CCDC51: variants seen among roughly 807,000 people sequenced by gnomAD.
CCDC51 encodes the protein coiled-coil domain containing 51.
In CCDC51, 25 loss-of-function variants were observed where a neutral mutation model predicts 24.8. That is an observed-to-expected ratio of 1.01 (90% CI 0.73 to 1.41). The LOEUF (loss-of-function observed/expected upper bound fraction) is 1.41. CCDC51 is among the 40% of genes most tolerant of loss of function. The pLI, the probability that CCDC51 is intolerant of heterozygous loss-of-function variation, is 0.00. For synonymous variants in CCDC51, 190 were observed against 204.3 expected (o/e 0.93, Z 0.60); for missense variants, 466 against 519.1 (o/e 0.90, Z 0.99).
chr3:48,441,638 A>G (rs2039571970), upstream of CCDC51, among the ~76,000 whole-genome samples: 1 of 151,996 alleles, frequency 6.6e-6, no homozygotes, highest in Admixed American at 6.6e-5. Flanking sequence ...TGAATCCTCC[A>G]CCTTTTTTAC....
At chr3:48,434,359 T>C (rs1280513005) in intron 2 of CCDC51, among the ~76,000 whole-genome samples, 1 of 152,180 alleles carries the variant, frequency 6.6e-6, no homozygotes, top group African/African-American at 2.4e-5. Context: ...CACTACTACA[T>C]GCCTAAGCAG....
At chr3:48,440,938 G>A (rs924645050), upstream of CCDC51, 8 of 463,956 alleles carry the variant, frequency 1.7e-5, no homozygotes, top group East Asian at 2.0e-4. Flanking sequence ...GTCTGACGTC[G>A]TCCGCAATCT....
upstream of CCDC51, chr3:48,443,734 T>TA (rs780541021): frequency 2.6e-5 from 19 of 726,802 alleles, no homozygotes; most frequent in Non-Finnish European, 4.0e-5. Context: ...ATGCTTGTGT[T>TA]AAAGTGAATG....
upstream of CCDC51, chr3:48,440,778 G>T (rs373854554): frequency 2.0e-5 from 14 of 714,992 alleles, no homozygotes; most frequent in African/African-American, 2.2e-4. Flanking sequence ...GCCAGTCTAG[G>T]ATTTGCAGCG....
intron 2 of CCDC51, among the ~76,000 whole-genome samples, chr3:48,434,573 T>C (rs562470106): frequency 6.6e-6 from 1 of 152,310 alleles, no homozygotes; most frequent in South Asian, 2.1e-4. Flanking sequence ...AAAGGAAGTA[T>C]TTGCTGGCCT....
In CCDC51 at chr3:48,439,631, T is replaced by A. The variant is rs541267603; in HGVS notation, c.-9+357A>T. ...TGAGAGACAAGAGCAAGACTCCATCTCGGGGGGAAAAGAAAAAAAAGCTTT... is the reference window on the plus strand; with the variant it reads ...TGAGAGACAAGAGCAAGACTCCATCACGGGGGGAAAAGAAAAAAAAGCTTT... On this transcript the variant is annotated intron_variant, in intron 1 of 3. Coordinates refer to ENST00000395694, the MANE Select transcript of CCDC51 (RefSeq NM_001256964.2). 3.3e-5 allele frequency among the ~76,000 whole-genome samples: 5 copies of A among 151,976 alleles called. No homozygotes were observed. The South Asian group carries it at 1.0e-3, about 32-fold the overall frequency.
upstream of CCDC51, among the ~76,000 whole-genome samples, chr3:48,443,241 C>CAAAAAAAA (rs3082576): frequency 2.8e-5 from 2 of 70,534 alleles, no homozygotes; most frequent in African/African-American, 1.3e-4. Flanking sequence ...ACTCCATCTC[C>CAAAAAAAA]AAAAAAAAAA....
upstream of CCDC51, among the ~76,000 whole-genome samples, chr3:48,442,376 T>G (rs189972528): frequency 3.9e-4 from 60 of 152,126 alleles, no homozygotes; most frequent in African/African-American, 1.4e-3. Flanking sequence ...GAGCATCATC[T>G]GATTTTTATT....
chr3:48,443,927 G>A (rs746756668), upstream of CCDC51: 48 of 1,422,214 alleles, frequency 3.4e-5, no homozygotes, highest in Non-Finnish European at 2.4e-5. Context: ...TATTTCATCT[G>A]TATTTAAACC....
chr3:48,440,560 A>G (rs2039534877), upstream of CCDC51: 4 of 1,611,942 alleles, frequency 2.5e-6, no homozygotes, highest in Non-Finnish European at 3.4e-6. Flanking sequence ...GCTTTCAAGC[A>G]GAAACAAAAA....
chr3:48,442,841 T>C (rs1443851381), upstream of CCDC51, among the ~76,000 whole-genome samples: 7 of 152,174 alleles, frequency 4.6e-5, no homozygotes, highest in South Asian at 2.1e-4. Context: ...AGGATCATAA[T>C]ATGGAAGGTA....
At position 48,437,837 on chromosome 3, in the gene CCDC51, G is replaced by A. The variant is rs537295522; in HGVS notation, c.-9+2151C>T. On this transcript the variant is annotated intron_variant, in intron 1 of 3. Coordinates refer to ENST00000395694, the MANE Select transcript of CCDC51 (RefSeq NM_001256964.2). The surrounding 1 kb of genome is among the most constrained non-coding windows in gnomAD (Gnocchi z 4.2). ...TTTCCACCTCCTCTCTTGATCCTCA[G>A]GATAAAAAACCCATGCTTCTAGGGA... is the stretch of plus-strand genomic sequence containing the variant. 2 of 151,978 alleles carry A rather than the reference G, an allele frequency of 1.3e-5. No homozygotes were observed. The highest frequency in any genetic ancestry group is 1.9e-4 in the East Asian group (1 of 5,164). 9.4% of individuals were successfully genotyped at this position (151,978 alleles called of 1,614,324 possible).
Position 48,432,964 on chromosome 3 carries a change from A to T in CCDC51, c.680T>A (p.Leu227Gln). The change falls in exon 4 of 4, where the codon CTA (leucine) becomes CAA (glutamine). Residue 227 changes from leucine to glutamine, a missense_variant. Leu to Gln is a moderately radical substitution (Grantham distance 113). Coordinates refer to ENST00000395694, the MANE Select transcript of CCDC51 (RefSeq NM_001256964.2). The stretch of plus-strand genomic sequence containing the variant: ...CAGGAGTAAAGCCTTCAGCTCCTGT[A>T]GTCGCACACGGTTCACATAGGTGGA... ...AGSTYVNRVR[L>Q]QELKALLLEA... The T allele has an allele frequency of 6.2e-7, 1 of 1,614,166 alleles. No homozygotes were observed. Among genetic ancestry groups the T allele is most frequent in the South Asian group, 1.1e-5 (1 of 91,082 alleles).
upstream of CCDC51, among the ~76,000 whole-genome samples, chr3:48,444,779 T>C (rs76494940): frequency 0.022 from 3,301 of 152,252 alleles, 111 homozygotes; most frequent in African/African-American, 0.071. Flanking sequence ...TTCAAGTTGC[T>C]AGCAGTGAAG....
At position 48,433,647 on chromosome 3, in the gene CCDC51, T is replaced by C; in HGVS notation, c.477+60A>G. On this transcript the variant is annotated intron_variant, in intron 3 of 3. Coordinates refer to ENST00000395694, the MANE Select transcript of CCDC51 (RefSeq NM_001256964.2). This position sits in a 1 kb window ranked among gnomAD's most constrained non-coding sequence, Gnocchi z 4.4. ...TCAGGGTTCCCACCCGGCCCCTCCA[T>C]GATCTGCCAGGCTAGGGTCACTGTC... The C allele has an allele frequency of 1.3e-6, 2 of 1,559,422 alleles. No individual in the cohort carries two copies. Among genetic ancestry groups the C allele is most frequent in the Admixed American group, 1.8e-5 (1 of 56,036 alleles).
At chr3:48,442,083 CGTG>C (rs201395626), upstream of CCDC51, among the ~76,000 whole-genome samples, 1 of 151,976 alleles carries the variant, frequency 6.6e-6, no homozygotes. Context: ...ATTAGCTGGG[CGTG>C]GTGGTGGTGG....
At position 48,437,845 on chromosome 3, in the gene CCDC51, A is replaced by T. The variant is rs2039403938; in HGVS notation, c.-9+2143T>A. The T allele has an allele frequency of 6.6e-6, 1 of 152,086 alleles. No individual in the cohort carries two copies. Among genetic ancestry groups the T allele is most frequent in the Non-Finnish European group, 1.5e-5 (1 of 68,028 alleles). The allele number at this position is 152,086 out of a possible 1,614,324, so 9.4% of individuals were successfully genotyped here. On this transcript the variant is annotated intron_variant, in intron 1 of 3. Transcript: ENST00000395694. This position sits in a 1 kb window ranked among gnomAD's most constrained non-coding sequence, Gnocchi z 4.2. The stretch of plus-strand genomic sequence containing the variant: ...TCCTCTCTTGATCCTCAGGATAAAA[A>T]ACCCATGCTTCTAGGGAAAACCAAC...
upstream of CCDC51, among the ~76,000 whole-genome samples, chr3:48,442,734 GC>G (rs1211327985): frequency 6.6e-6 from 1 of 152,092 alleles, no homozygotes; most frequent in African/African-American, 2.4e-5. Flanking sequence ...ACAGGCGTGA[GC>G]CACCGCGCCT....
In CCDC51 at chr3:48,433,694, C is replaced by G. The variant is rs370979533; in HGVS notation, c.477+13G>C. 2.8e-4 allele frequency: 450 copies of G among 1,610,854 alleles called. No individual in the cohort carries two copies. Among genetic ancestry groups the G allele is most frequent in the Non-Finnish European group, 3.7e-4 (435 of 1,178,102 alleles). On this transcript the variant is annotated intron_variant, in intron 3 of 3. Transcript: ENST00000395694. The surrounding 1 kb of genome is among the most constrained non-coding windows in gnomAD (Gnocchi z 4.4). ...TGTCCAGGTGCGAAAGGGCTGCCTC[C>G]TGAGGTGCCTACCTGCAGCATCCTG...
Sources: allele counts gnomAD v4.1 joint callset (sites outside exome capture counted in the v4.1 genomes callset), GRCh38; gene constraint gnomAD v4.1.1; non-coding constraint Gnocchi (gnomAD v3.1); transcripts MANE v1.5; gene names NCBI Gene and HGNC (gene_info 2026-07-23, HGNC 2026-07-21).